SERPINI1: variants seen among roughly 807,000 people sequenced by gnomAD.
SERPINI1 encodes the protein neuroserpin.
In SERPINI1, 19 loss-of-function variants were observed where a neutral mutation model predicts 41.1. The ratio of observed to expected loss-of-function variants is 0.46; its 90% CI spans 0.32 to 0.68. SERPINI1 has a LOEUF of 0.68. Ranked by LOEUF, SERPINI1 falls within the 30% of genes least tolerant of loss-of-function variation. The pLI, the probability that SERPINI1 is intolerant of heterozygous loss-of-function variation, is 0.03. For missense variants in SERPINI1, 460 were observed against 479.2 expected, an observed-to-expected ratio of 0.96 and a Z score of 0.37; for synonymous variants, 138 against 156.6, an observed-to-expected ratio of 0.88 and a Z score of 0.89.
chr3:167,755,037 A>T lies in SERPINI1; in HGVS notation c.-19+19214A>T, dbSNP rs1240065625. On this transcript the variant is annotated intron_variant, in intron 1 of 8. Coordinates refer to ENST00000446050, the MANE Select transcript of SERPINI1 (RefSeq NM_001122752.2). ...GCTCAATGAACTGTTCTGCTGTCTGATCAAAACATTCATTCAACAAATCCC... is the reference window on the plus strand; with the variant it reads ...GCTCAATGAACTGTTCTGCTGTCTGTTCAAAACATTCATTCAACAAATCCC... Among the ~76,000 whole-genome samples, 4 of 152,118 alleles carry T rather than the reference A, an allele frequency of 2.6e-5. No homozygotes were observed. The East Asian group carries it at 7.7e-4, about 29-fold the overall frequency.
At chr3:167,793,806 G>GTATATA (rs796438641) in intron 4 of SERPINI1, among the ~76,000 whole-genome samples, 5 of 145,508 alleles carry the variant, frequency 3.4e-5, no homozygotes, top group Admixed American at 6.9e-5. Flanking sequence ...TATACTGTGT[G>GTATATA]TATATATATA....
At chr3:167,781,545 A>G (rs914923901) in intron 1 of SERPINI1, among the ~76,000 whole-genome samples, 2 of 151,750 alleles carry the variant, frequency 1.3e-5, no homozygotes, top group African/African-American at 4.8e-5. Context: ...CTAGTCCTTT[A>G]CATACAAAAG....
chr3:167,800,025 T>C (rs576895364), intron 5 of SERPINI1: 66 of 152,324 alleles, frequency 4.3e-4, no homozygotes, highest in African/African-American at 1.6e-3. Flanking sequence ...TTTTGTATTT[T>C]AGCAGTTTTT....
chr3:167,737,195 T>C (rs1725489953), intron 1 of SERPINI1, among the ~76,000 whole-genome samples: 1 of 152,138 alleles, frequency 6.6e-6, no homozygotes, highest in African/African-American at 2.4e-5. Flanking sequence ...TGAGTGCTAC[T>C]ACCGATAAGC....
chr3:167,736,720 C>T (rs1457471119), intron 1 of SERPINI1, among the ~76,000 whole-genome samples: 1 of 152,058 alleles, frequency 6.6e-6, no homozygotes. Context: ...CGGTATTAAA[C>T]TATATGTGCA....
chr3:167,764,931 A>G (rs933219353), intron 1 of SERPINI1, among the ~76,000 whole-genome samples: 1 of 152,220 alleles, frequency 6.6e-6, no homozygotes, highest in Non-Finnish European at 1.5e-5. Context: ...CTTTGACTTC[A>G]TGTTTCACAT....
At chr3:167,799,420 A>T (rs1166180744) in intron 5 of SERPINI1, among the ~76,000 whole-genome samples, 3 of 151,968 alleles carry the variant, frequency 2.0e-5, no homozygotes, top group Non-Finnish European at 4.4e-5. Context: ...TATGTGCCAC[A>T]TTTTCTTTAT....
At chr3:167,815,828 A>G (rs2108571609) in intron 6 of SERPINI1, among the ~76,000 whole-genome samples, 1 of 152,326 alleles carries the variant, frequency 6.6e-6, no homozygotes, top group East Asian at 1.9e-4. Context: ...ATGGGAATCC[A>G]AACGTTGCAT....
intron 1 of SERPINI1, 25 bp from the exon 2 acceptor site, chr3:167,789,086 T>A (rs551751884): frequency 1.9e-6 from 3 of 1,605,008 alleles, no homozygotes; most frequent in Non-Finnish European, 2.6e-6. Flanking sequence ...AACTAATAAT[T>A]AATATGTAAA....
chr3:167,824,031 C>T (rs1000410080), intron 7 of SERPINI1, among the ~76,000 whole-genome samples: 9 of 152,138 alleles, frequency 5.9e-5, no homozygotes, highest in Admixed American at 5.2e-4. Flanking sequence ...TAAAAATACC[C>T]GCTTCAGACA....
intron 5 of SERPINI1, among the ~76,000 whole-genome samples, chr3:167,801,321 A>G (rs1727891903): frequency 6.6e-6 from 1 of 152,254 alleles, no homozygotes; most frequent in Admixed American, 6.5e-5. Context: ...TGCAGAAATT[A>G]CATTGTATGC....
At chr3:167,791,193 T>C (rs533942574) in intron 3 of SERPINI1, among the ~76,000 whole-genome samples, 5 of 152,148 alleles carry the variant, frequency 3.3e-5, no homozygotes, top group Non-Finnish European at 7.4e-5. Context: ...TTTCATATTT[T>C]AGCATTTTAT....
At chr3:167,747,415 C>T (rs1374637682) in intron 1 of SERPINI1, among the ~76,000 whole-genome samples, 3 of 152,148 alleles carry the variant, frequency 2.0e-5, no homozygotes, top group Non-Finnish European at 1.5e-5. Context: ...GAGGCCGAGG[C>T]AGGCGGATCA....
intron 1 of SERPINI1, among the ~76,000 whole-genome samples, chr3:167,779,259 C>G (rs1409661154): frequency 1.3e-5 from 2 of 152,150 alleles, no homozygotes; most frequent in Admixed American, 1.3e-4. Context: ...ATAATCTTGA[C>G]TCTCATACAA....
intron 5 of SERPINI1, among the ~76,000 whole-genome samples, chr3:167,805,698 T>C (rs983196733): frequency 1.3e-5 from 2 of 152,238 alleles, no homozygotes; most frequent in African/African-American, 4.8e-5. Context: ...CTTTAATCCA[T>C]CTTGAGTTAA....
At chr3:167,791,941 A>G (rs539800616) in intron 3 of SERPINI1, among the ~76,000 whole-genome samples, 7 of 152,298 alleles carry the variant, frequency 4.6e-5, no homozygotes, top group Middle Eastern at 3.4e-3. Context: ...CCTGGCTGAC[A>G]TGGTGAGACC....
intron 1 of SERPINI1, among the ~76,000 whole-genome samples, chr3:167,752,982 C>T (rs1417120245): frequency 6.6e-6 from 1 of 152,078 alleles, no homozygotes; most frequent in Non-Finnish European, 1.5e-5. Flanking sequence ...TTATTCATTG[C>T]ACTTAACACA....
intron 1 of SERPINI1, among the ~76,000 whole-genome samples, chr3:167,787,664 G>A (rs1415667203): frequency 6.6e-6 from 1 of 152,230 alleles, no homozygotes; most frequent in Non-Finnish European, 1.5e-5. Flanking sequence ...CGGAGGTGGT[G>A]AGAGTTCATA....
intron 1 of SERPINI1, among the ~76,000 whole-genome samples, chr3:167,762,916 G>A (rs769647479): frequency 4.6e-5 from 7 of 152,016 alleles, no homozygotes; most frequent in East Asian, 1.9e-4. Flanking sequence ...TTGAATGCCC[G>A]GTGACATTCA....
Sources: allele counts gnomAD v4.1 joint callset (sites outside exome capture counted in the v4.1 genomes callset), GRCh38; gene constraint gnomAD v4.1.1; transcripts MANE v1.5; gene names NCBI Gene and HGNC (gene_info 2026-07-23, HGNC 2026-07-21).